SLC25A42: variants seen among roughly 807,000 people sequenced by gnomAD.
SLC25A42 encodes solute carrier family 25 member 42, also known as mitochondrial coenzyme A transporter SLC25A42.
SLC25A42 carries 19 observed loss-of-function variants against 34.7 expected under a neutral mutation model. The ratio of observed to expected loss-of-function variants is 0.55; its 90% CI spans 0.38 to 0.80. The LOEUF is 0.80. Among genes scored for constraint, SLC25A42 ranks in the 30% least tolerant of loss-of-function variants. The pLI is 0.00. For missense variants in SLC25A42, 364 were observed against 441.3 expected, an observed-to-expected ratio of 0.82 and a Z score of 1.57; for synonymous variants, 205 against 191.2, an observed-to-expected ratio of 1.07 and a Z score of -0.59.
chr19:19,111,100 G>T lies in SLC25A42; in HGVS notation c.*224G>T. The T allele has an allele frequency of 1.7e-6, 1 of 583,442 alleles. No individual in the cohort carries two copies. Among genetic ancestry groups the T allele is most frequent in the Admixed American group, 3.2e-5 (1 of 31,380 alleles). The allele number at this position is 583,442 out of a possible 1,614,324, so 36.1% of individuals were successfully genotyped here. Reference sequence around the variant, plus strand: ...GGGCGATGGTGTGGGGGGTCCCGCAGCTCCCCTCTTCCTTCCTCTGCAGAC... The same window carrying T: ...GGGCGATGGTGTGGGGGGTCCCGCATCTCCCCTCTTCCTTCCTCTGCAGAC... On this transcript the variant is annotated 3_prime_UTR_variant, in exon 8 of 8. Coordinates refer to ENST00000318596, the MANE Select transcript of SLC25A42 (RefSeq NM_178526.5).
intron 3 of SLC25A42, among the ~76,000 whole-genome samples, chr19:19,102,573 G>A (rs531668535): frequency 3.9e-5 from 6 of 151,906 alleles, no homozygotes; most frequent in African/African-American, 1.4e-4. Context: ...GTGAAACCCC[G>A]CCTCTACTAA....
intron 1 of SLC25A42, among the ~76,000 whole-genome samples, chr19:19,068,549 C>T (rs912694307): frequency 6.6e-6 from 1 of 151,864 alleles, no homozygotes; most frequent in Non-Finnish European, 1.5e-5. Flanking sequence ...CGCCTGTATT[C>T]CCAGCTACTC....
At chr19:19,093,638 A>G (rs2059749469) in intron 1 of SLC25A42, among the ~76,000 whole-genome samples, 1 of 152,140 alleles carries the variant, frequency 6.6e-6, no homozygotes, top group Non-Finnish European at 1.5e-5. Context: ...AGCAGTGGTC[A>G]GGGCTGCTGG....
chr19:19,066,419 T>A (rs2059602522), intron 1 of SLC25A42, among the ~76,000 whole-genome samples: 1 of 151,540 alleles, frequency 6.6e-6, no homozygotes, highest in African/African-American at 2.4e-5. Context: ...TACTGATGGC[T>A]GTTTAAGCTG....
In SLC25A42 at chr19:19,084,202, G is replaced by C. The variant is rs1259709051; in HGVS notation, c.-34-11889G>C. Among the ~76,000 whole-genome samples, 6 of 152,148 alleles carry C rather than the reference G, an allele frequency of 3.9e-5. No individual in the cohort carries two copies. In the South Asian group the frequency reaches 6.2e-4, roughly 16 times the overall value. The stretch of plus-strand genomic sequence containing the variant: ...CAGTGTGCCCCGGCAGGCACCTTTG[G>C]GGTGTTGCACACACCATCTCCCACC... On this transcript the variant is annotated intron_variant, in intron 1 of 7. Coordinates refer to ENST00000318596, the MANE Select transcript of SLC25A42 (RefSeq NM_178526.5).
rs900188788 is a variant in SLC25A42 at position 19,089,256 on chromosome 19, G to A, written c.-34-6835G>A. Among the ~76,000 whole-genome samples, 5 of 152,186 alleles carry A rather than the reference G, an allele frequency of 3.3e-5. No individual in the cohort carries two copies. The South Asian group carries it at 1.0e-3, about 32-fold the overall frequency. On this transcript the variant is annotated intron_variant, in intron 1 of 7. Transcript: ENST00000318596. ...TAAAACAGATTCCAGGGCTGGGCGCGGGGCCTCACGCCTATAATCCCAGTA... is the reference window on the plus strand; with the variant it reads ...TAAAACAGATTCCAGGGCTGGGCGCAGGGCCTCACGCCTATAATCCCAGTA...
chr19:19,103,694 G>A (rs896093508), intron 3 of SLC25A42, among the ~76,000 whole-genome samples: 4 of 152,148 alleles, frequency 2.6e-5, no homozygotes, highest in Non-Finnish European at 4.4e-5. Flanking sequence ...GTTACGGCCC[G>A]GGCCCTCTGC....
intron 7 of SLC25A42, among the ~76,000 whole-genome samples, chr19:19,108,286 C>T (rs34992005): frequency 0.13 from 20,446 of 152,210 alleles, 1,676 homozygotes; most frequent in Non-Finnish European, 0.19. Flanking sequence ...TGCCACGGCT[C>T]GTGCCTGTAA....
chr19:19,100,925 T>C (rs896423862), intron 2 of SLC25A42, among the ~76,000 whole-genome samples: 1 of 152,128 alleles, frequency 6.6e-6, no homozygotes, highest in Non-Finnish European at 1.5e-5. Context: ...CTCCCCTGCT[T>C]CTCAATGAGT....
intron 1 of SLC25A42, among the ~76,000 whole-genome samples, chr19:19,076,138 C>T (rs193264378): frequency 9.1e-4 from 139 of 152,282 alleles, no homozygotes; most frequent in Middle Eastern, 3.4e-3. Flanking sequence ...TCAGTGCCTC[C>T]TCCAGGCTTT....
intron 3 of SLC25A42, 76 bp from the exon 4 acceptor site, chr19:19,104,837 G>A (rs2145922725): frequency 1.3e-6 from 2 of 1,546,258 alleles, no homozygotes; most frequent in Non-Finnish European, 8.9e-7. Flanking sequence ...GCTAGTGGGT[G>A]CCAGGGGTGG....
intron 1 of SLC25A42, among the ~76,000 whole-genome samples, chr19:19,072,970 C>G (rs2059638428): frequency 6.6e-6 from 1 of 152,204 alleles, no homozygotes; most frequent in African/African-American, 2.4e-5. Context: ...TCCCAAAGTG[C>G]TGGGATTACA....
Position 19,110,929 on chromosome 19 carries a change from G to A in SLC25A42, c.*53G>A, listed in dbSNP as rs2059861256. 6.3e-7 allele frequency: 1 copy of A among 1,596,514 alleles called. No individual in the cohort carries two copies. Among genetic ancestry groups the A allele is most frequent in the African/African-American group, 1.3e-5 (1 of 74,306 alleles). On this transcript the variant is annotated 3_prime_UTR_variant, in exon 8 of 8. Coordinates refer to ENST00000318596, the MANE Select transcript of SLC25A42 (RefSeq NM_178526.5). The stretch of plus-strand genomic sequence containing the variant: ...GGACCGGTGACCCCTTTGTATTCTG[G>A]GCCCATGGAACGGTGGGGGGGTGCG...
chr19:19,106,397 C>T lies in SLC25A42; in HGVS notation c.497+12C>T, dbSNP rs764863886. On this transcript the variant is annotated intron_variant, in intron 6 of 7. Transcript: ENST00000318596. ...ACCCCGAAGGAAATGTGAGTCCTTA[C>T]ATCGGTGATGCGCATCAGCCCCGGG... 7 of 1,602,266 alleles carry T rather than the reference C, an allele frequency of 4.4e-6. No homozygotes were observed. In the East Asian group the frequency reaches 1.1e-4, roughly 26 times the overall value.
intron 4 of SLC25A42, 47 bp downstream of exon 4, chr19:19,104,985 C>T (rs1158171625): frequency 2.5e-6 from 4 of 1,611,324 alleles, no homozygotes; most frequent in Non-Finnish European, 3.4e-6. Flanking sequence ...TCACCACTAC[C>T]CTGATGGGCT....
At chr19:19,066,470 T>G (rs936821814) in intron 1 of SLC25A42, among the ~76,000 whole-genome samples, 1 of 149,588 alleles carries the variant, frequency 6.7e-6, no homozygotes, top group Admixed American at 6.7e-5. Context: ...TTTTTTTGAG[T>G]TGGATTCTTG....
intron 1 of SLC25A42, among the ~76,000 whole-genome samples, chr19:19,070,133 A>G (rs569567869): frequency 6.6e-6 from 1 of 151,294 alleles, no homozygotes; most frequent in East Asian, 1.9e-4. Flanking sequence ...AGCTGGGACT[A>G]CAGGTGCCCG....
At chr19:19,105,979 C>A in intron 5 of SLC25A42, 1 of 556,800 alleles carries the variant, frequency 1.8e-6, no homozygotes, top group South Asian at 2.4e-5. Flanking sequence ...TCCACCCCCA[C>A]GCATAAATCC....
intron 1 of SLC25A42, among the ~76,000 whole-genome samples, chr19:19,074,234 C>T (rs2059644761): frequency 6.6e-6 from 1 of 152,130 alleles, no homozygotes; most frequent in Non-Finnish European, 1.5e-5. Flanking sequence ...GTTGCCTTAA[C>T]CAAAGATTGT....
Sources: allele counts gnomAD v4.1 joint callset (sites outside exome capture counted in the v4.1 genomes callset), GRCh38; gene constraint gnomAD v4.1.1; transcripts MANE v1.5; gene names NCBI Gene and HGNC (gene_info 2026-07-23, HGNC 2026-07-21).